The following SPAG16 variants were observed in gnomAD, a reference collection of about 807,000 sequenced individuals.
SPAG16 encodes the protein sperm associated antigen 16.
A neutral mutation model predicts 80.4 loss-of-function variants in SPAG16; 86 were observed. That is an observed-to-expected ratio of 1.07 (90% confidence interval 0.90 to 1.28). The LOEUF is 1.28. Ranked by LOEUF, SPAG16 falls within the 50% of genes most tolerant of loss-of-function variation. SPAG16 has a pLI of 0.00. For missense variants in SPAG16, 870 were observed against 765.3 expected (o/e 1.14, Z -1.61); for synonymous variants, 294 against 265.9 (o/e 1.11, Z -1.03).
At chr2:214,242,710 CTG>C (rs1689578245) in intron 15 of SPAG16, among the ~76,000 whole-genome samples, 1 of 152,094 alleles carries the variant, frequency 6.6e-6, no homozygotes, top group South Asian at 2.1e-4. Flanking sequence ...TAAATGCCCA[CTG>C]TGTAAAAATA....
At chr2:213,452,234 TAGAA>T (rs1042376094) in intron 9 of SPAG16, among the ~76,000 whole-genome samples, 12 of 152,216 alleles carry the variant, frequency 7.9e-5, no homozygotes, top group Admixed American at 4.6e-4. Flanking sequence ...TGCTTTTTGT[TAGAA>T]AGAAAGTTTT....
chr2:214,188,144 A>G (rs2057540154), intron 15 of SPAG16, among the ~76,000 whole-genome samples: 1 of 152,132 alleles, frequency 6.6e-6, no homozygotes, highest in Admixed American at 6.6e-5. Flanking sequence ...CATGTAGCTC[A>G]ATCTCTCACT....
intron 10 of SPAG16, among the ~76,000 whole-genome samples, chr2:213,761,629 A>C (rs2125522538): frequency 6.6e-6 from 1 of 152,296 alleles, no homozygotes; most frequent in East Asian, 1.9e-4. Flanking sequence ...TGGGAGGCTG[A>C]GGCAGGTGGA....
rs531640932 is a variant in SPAG16, at chr2:213,474,218, C to T, written c.943-15745C>T. Among the ~76,000 whole-genome samples, 3 of 152,310 alleles carry T rather than the reference C, an allele frequency of 2.0e-5. No individual in the cohort carries two copies. The East Asian group carries it at 5.8e-4, about 29-fold the overall frequency. ...CCCATTCTTTTCCAATCAATGCCCTCACTTTAATGGTAGACACCTGGAAAG... is the reference window on the plus strand; with the variant it reads ...CCCATTCTTTTCCAATCAATGCCCTTACTTTAATGGTAGACACCTGGAAAG... On this transcript the variant is annotated intron_variant, in intron 9 of 15. Coordinates refer to ENST00000331683, the MANE Select transcript of SPAG16 (RefSeq NM_024532.5).
Position 213,675,410 on chromosome 2 carries a change from T to A in SPAG16, c.1070+185320T>A, listed in dbSNP as rs185795557. On this transcript the variant is annotated intron_variant, in intron 10 of 15. Coordinates refer to ENST00000331683, the MANE Select transcript of SPAG16 (RefSeq NM_024532.5). Reference sequence around the variant, plus strand: ...TTTAATTAGATACCATTTGTCAATTTTGGCTTTTGTTGCCGTTGCTTTTGG... The same window carrying A: ...TTTAATTAGATACCATTTGTCAATTATGGCTTTTGTTGCCGTTGCTTTTGG... Among the ~76,000 whole-genome samples the A allele has an allele frequency of 4.5e-3, 690 of 152,352 alleles. 5 individuals are homozygous for A. Among genetic ancestry groups the A allele is most frequent in the Admixed American group, 0.012 (179 of 15,302 alleles).
chr2:213,302,883 C>G (rs1008004829), intron 3 of SPAG16, among the ~76,000 whole-genome samples: 11 of 152,022 alleles, frequency 7.2e-5, no homozygotes, highest in Non-Finnish European at 1.3e-4. Context: ...GTACATACAA[C>G]AAACATCCTT....
intron 9 of SPAG16, among the ~76,000 whole-genome samples, chr2:213,466,148 A>C (rs1284039893): frequency 1.3e-5 from 2 of 152,166 alleles, no homozygotes; most frequent in Non-Finnish European, 2.9e-5. Context: ...TCAGGGACTC[A>C]GACTGGCTTC....
intron 10 of SPAG16, among the ~76,000 whole-genome samples, chr2:213,575,480 C>T (rs1412429679): frequency 6.6e-6 from 1 of 151,880 alleles, no homozygotes; most frequent in African/African-American, 2.4e-5. Context: ...ATTAATTAAT[C>T]AAATGTTAAG....
intron 15 of SPAG16, among the ~76,000 whole-genome samples, chr2:214,151,275 CATAAA>C (rs1425115805): frequency 6.6e-6 from 1 of 151,856 alleles, no homozygotes; most frequent in East Asian, 1.9e-4. Flanking sequence ...GGAAAACAAA[CATAAA>C]ATCTAATGAG....
At chr2:213,348,277 ATG>A (rs943225269) in intron 6 of SPAG16, among the ~76,000 whole-genome samples, 7 of 152,052 alleles carry the variant, frequency 4.6e-5, no homozygotes, top group Admixed American at 4.6e-4. Context: ...GTGTCTCTGC[ATG>A]TGAGATGGGT....
intron 13 of SPAG16, among the ~76,000 whole-genome samples, chr2:214,076,534 T>C (rs1432515919): frequency 1.1e-5 from 1 of 89,430 alleles, no homozygotes; most frequent in Non-Finnish European, 2.2e-5. Context: ...TGTGTGTGTG[T>C]GTGTGTGTCT....
intron 10 of SPAG16, among the ~76,000 whole-genome samples, chr2:213,664,962 A>G (rs919429495): frequency 1.3e-5 from 2 of 151,840 alleles, no homozygotes; most frequent in Non-Finnish European, 2.9e-5. Context: ...TTATGTTCCT[A>G]TTTACTACTA....
chr2:214,277,580 C>T (rs1692565416), intron 15 of SPAG16, among the ~76,000 whole-genome samples: 1 of 151,080 alleles, frequency 6.6e-6, no homozygotes, highest in Admixed American at 6.6e-5. Flanking sequence ...GCTGGAGGTC[C>T]ACTCCAGACC....
chr2:213,317,617 G>T, intron 5 of SPAG16: 1 of 1,090,820 alleles, frequency 9.2e-7, no homozygotes, highest in Non-Finnish European at 1.1e-6. Flanking sequence ...TCACTTCCTT[G>T]TGTATTTGAT....
intron 10 of SPAG16, among the ~76,000 whole-genome samples, chr2:213,685,355 A>T (rs1391377526): frequency 6.6e-6 from 1 of 152,372 alleles, no homozygotes; most frequent in Non-Finnish European, 1.5e-5. Context: ...CTATGTGAAG[A>T]GACACAGAGA....
chr2:213,559,131 C>T (rs2059523099), intron 10 of SPAG16, among the ~76,000 whole-genome samples: 1 of 152,060 alleles, frequency 6.6e-6, no homozygotes, highest in Non-Finnish European at 1.5e-5. Flanking sequence ...TAATTTTATT[C>T]TTTTGACGCA....
chr2:214,099,038 A>T (rs2052802464), intron 13 of SPAG16, among the ~76,000 whole-genome samples: 1 of 152,116 alleles, frequency 6.6e-6, no homozygotes, highest in Admixed American at 6.6e-5. Flanking sequence ...TGACTTTTAC[A>T]GGAGTGCTCA....
At chr2:213,337,168 AAAC>A (rs975935036) in intron 5 of SPAG16, among the ~76,000 whole-genome samples, 1 of 152,168 alleles carries the variant, frequency 6.6e-6, no homozygotes, top group Non-Finnish European at 1.5e-5. Flanking sequence ...GAAAAACAGA[AAAC>A]AACAACAACA....
At chr2:213,552,640 A>G (rs1157362374) in intron 10 of SPAG16, among the ~76,000 whole-genome samples, 4 of 152,192 alleles carry the variant, frequency 2.6e-5, no homozygotes. Context: ...GTGATGTTTA[A>G]TATTGAGTGT....
Sources: allele counts gnomAD v4.1 joint callset (sites outside exome capture counted in the v4.1 genomes callset), GRCh38; gene constraint gnomAD v4.1.1; transcripts MANE v1.5; gene names NCBI Gene and HGNC (gene_info 2026-07-23, HGNC 2026-07-21).